SHISA2: variants seen among roughly 807,000 people sequenced by gnomAD.
SHISA2 encodes the protein protein shisa-2 homolog.
Under a neutral mutation model 23.8 loss-of-function variants are expected in SHISA2, and 16 were observed. The ratio of observed to expected loss-of-function variants is 0.67; its 90% CI spans 0.46 to 1.02. The LOEUF is 1.02. SHISA2 is among the 50% of genes least tolerant of loss of function. The pLI is 0.00. For missense variants in SHISA2, 459 were observed against 420.1 expected, an observed-to-expected ratio of 1.09 and a Z score of -0.81; for synonymous variants, 201 against 178.6, an observed-to-expected ratio of 1.13 and a Z score of -1.00.
Position 26,050,858 on chromosome 13 carries a change from C to A in SHISA2, c.118G>T (p.Gly40Cys). ...GARASGEYCHGWLDAQGVWRI... is the reference protein window; with the variant it reads ...GARASGEYCHCWLDAQGVWRI... Reference sequence around the variant, plus strand: ...CAGACGCCCTGCGCGTCCAGCCAGCCGTGGCAGTACTCGCCGCTGGCCCTC... The same window carrying A: ...CAGACGCCCTGCGCGTCCAGCCAGCAGTGGCAGTACTCGCCGCTGGCCCTC... The change falls in exon 1 of 2, where the codon GGC becomes TGC. Residue 40 changes from glycine (G) to cysteine (C), a missense_variant. Coordinates refer to ENST00000319420, the MANE Select transcript of SHISA2 (RefSeq NM_001007538.2). The A allele has an allele frequency of 6.5e-7, 1 of 1,528,320 alleles. No individual in the cohort carries two copies. Among genetic ancestry groups the A allele is most frequent in the Non-Finnish European group, 8.7e-7 (1 of 1,146,238 alleles). 94.7% of individuals were successfully genotyped at this position (1,528,320 alleles called of 1,614,324 possible).
chr13:26,049,307 G>T (rs1418155729), intron 1 of SHISA2, among the ~76,000 whole-genome samples: 1 of 152,188 alleles, frequency 6.6e-6, no homozygotes, highest in African/African-American at 2.4e-5. Flanking sequence ...AAAAGTGAAA[G>T]AAATACAATT....
chr13:26,047,131 T>C, intron 1 of SHISA2, 65 bp from the exon 2 acceptor site: 1 of 1,435,430 alleles, frequency 7.0e-7, no homozygotes. Context: ...AATCGCCAAC[T>C]GGCAATGGCA....
At chr13:26,048,618 G>A (rs569319485) in intron 1 of SHISA2, among the ~76,000 whole-genome samples, 1 of 152,152 alleles carries the variant, frequency 6.6e-6, no homozygotes, top group Non-Finnish European at 1.5e-5. Flanking sequence ...CAGCATTTTA[G>A]GAAGGAGACC....
Position 26,050,901 on chromosome 13 carries a change from C to T in SHISA2, c.75G>A (p.Ala25=). The part of the protein sequence containing the change: ...AASLLQLLLA[A]LLAAGARASG... ...TGGCCCTCGCCCCCGCCGCCAGCAG[C>T]GCAGCCAGCAGCAGCTGCAGGAGCG... is the stretch of plus-strand genomic sequence containing the variant. The change falls in exon 1 of 2, where the codon GCG becomes GCA. Residue 25 remains alanine, a synonymous_variant. Transcript: ENST00000319420. The T allele has an allele frequency of 6.6e-7, 1 of 1,519,346 alleles. No individual in the cohort carries two copies. Among genetic ancestry groups the T allele is most frequent in the Non-Finnish European group, 8.8e-7 (1 of 1,141,022 alleles). 94.1% of individuals were successfully genotyped at this position (1,519,346 alleles called of 1,614,324 possible). A position where few individuals can be genotyped will look rare whatever the true frequency, so the allele number is the denominator to read the frequency against.
chr13:26,048,128 C>T (rs1006888040), intron 1 of SHISA2, among the ~76,000 whole-genome samples: 1 of 152,060 alleles, frequency 6.6e-6, no homozygotes, highest in African/African-American at 2.4e-5. Flanking sequence ...CATGGTGAGA[C>T]CCTGTCTCTA....
rs150368053 is a variant in SHISA2, at chr13:26,046,599, C to T, written c.802G>A (p.Gly268Ser). The change falls in exon 2 of 2, where the codon GGC (glycine) becomes AGC (serine). Residue 268 changes from glycine to serine, a missense_variant. Transcript: ENST00000319420. ...ATCTGCCTGTAGCCAGGCTGCAGGC[C>T]GTCCATGAAAGGTGGCACAGCTGTC... ...PMTAVPPFMD[G>S]LQPGYRQIQS... The T allele has an allele frequency of 4.8e-4, 776 of 1,614,100 alleles. 3 individuals carry two copies. The African/African-American group carries it at 8.5e-3, about 18-fold the overall frequency.
intron 1 of SHISA2, among the ~76,000 whole-genome samples, chr13:26,048,599 C>T (rs529648020): frequency 1.2e-4 from 18 of 152,226 alleles, no homozygotes; most frequent in East Asian, 1.9e-4. Flanking sequence ...AGCCCAGAGT[C>T]GGATGGGGCA....
Position 26,051,933 on chromosome 13 carries a change from C to T in SHISA2, c.-958G>A, listed in dbSNP as rs1275808509. Among the ~76,000 whole-genome samples, 1 of 152,166 alleles carries T rather than the reference C, an allele frequency of 6.6e-6. No homozygotes were observed. The highest frequency in any genetic ancestry group is 1.5e-5 in the Non-Finnish European group (1 of 68,014). On this transcript the variant is annotated 5_prime_UTR_variant, in exon 1 of 2. Transcript: ENST00000319420. Reference sequence around the variant, plus strand: ...GGAAGCCTCCCACGGAAGTTTCTTTCCTCCGGGCTACGGGAGAAGCCGAGC... The same window carrying T: ...GGAAGCCTCCCACGGAAGTTTCTTTTCTCCGGGCTACGGGAGAAGCCGAGC...
chr13:26,047,201 T>G, intron 1 of SHISA2, 135 bp from the exon 2 acceptor site: 1 of 965,738 alleles, frequency 1.0e-6, no homozygotes, highest in Non-Finnish European at 1.5e-6. Flanking sequence ...GCTAATTTGT[T>G]CACATATTAG....
Position 26,050,602 on chromosome 13 carries a change from C to A in SHISA2, c.334+40G>T, listed in dbSNP as rs750506048. Reference sequence around the variant, plus strand: ...CAGGTCCCTGACGTCCAGGCAACGCCAACCGTCCTCCCTTTCGCGCTGGGC... The same window carrying A: ...CAGGTCCCTGACGTCCAGGCAACGCAAACCGTCCTCCCTTTCGCGCTGGGC... On this transcript the variant is annotated intron_variant, in intron 1 of 1. Coordinates refer to ENST00000319420, the MANE Select transcript of SHISA2 (RefSeq NM_001007538.2). The A allele has an allele frequency of 5.3e-5, 73 of 1,377,950 alleles. 2 individuals are homozygous for A. In the South Asian group the frequency reaches 1.0e-3, roughly 19 times the overall value. 85.4% of individuals were successfully genotyped at this position (1,377,950 alleles called of 1,614,324 possible). A position where few individuals can be genotyped will look rare whatever the true frequency, so the allele number is the denominator to read the frequency against.
At position 26,050,961 on chromosome 13, in the gene SHISA2, G is replaced by A; in HGVS notation, c.15C>T (p.Arg5=). The A allele has an allele frequency of 2.0e-6, 3 of 1,512,112 alleles. No homozygotes were observed. The highest frequency in any genetic ancestry group is 2.6e-6 in the Non-Finnish European group (3 of 1,137,656). 93.7% of individuals were successfully genotyped at this position (1,512,112 alleles called of 1,614,324 possible). MWGA[R]RSSVSSSWNA... is the part of the protein sequence containing the mutation. Reference sequence around the variant, plus strand: ...TCCAGGATGAGGAGACGGACGAGCGGCGAGCGCCCCACATGGCACCACCCT... The same window carrying A: ...TCCAGGATGAGGAGACGGACGAGCGACGAGCGCCCCACATGGCACCACCCT... Residue 5 remains arginine (R), a synonymous_variant, in exon 1 of 2, where the codon CGC becomes CGT. Coordinates refer to ENST00000319420, the MANE Select transcript of SHISA2 (RefSeq NM_001007538.2).
chr13:26,049,861 AT>A (rs1417019938), intron 1 of SHISA2, among the ~76,000 whole-genome samples: 2 of 36,446 alleles, frequency 5.5e-5, no homozygotes, highest in Non-Finnish European at 1.3e-4. Context: ...CCCGAAATAA[AT>A]AACACACACA....
At chr13:26,047,103 C>A in intron 1 of SHISA2, 37 bp from the exon 2 acceptor site, 1 of 1,505,150 alleles carries the variant, frequency 6.6e-7, no homozygotes, top group Non-Finnish European at 8.9e-7. Flanking sequence ...TTATGATCTA[C>A]TCTAGGAACA....
In SHISA2 at chr13:26,046,970, C is replaced by T. The variant is rs201279413; in HGVS notation, c.431G>A (p.Arg144Gln). ...LVAACCCRCL[R>Q]PKQDPQQSRA... Reference sequence around the variant, plus strand: ...GCTCTGCTGGGGATCCTGCTTAGGCCGGAGACATCTGCAGCAACAGGCTGC... The same window carrying T: ...GCTCTGCTGGGGATCCTGCTTAGGCTGGAGACATCTGCAGCAACAGGCTGC... The change falls in exon 2 of 2, where the codon CGG (arginine) becomes CAG (glutamine). Residue 144 changes from arginine to glutamine, a missense_variant. Coordinates refer to ENST00000319420, the MANE Select transcript of SHISA2 (RefSeq NM_001007538.2). 1.2e-4 allele frequency: 185 copies of T among 1,607,474 alleles called. 1 individual carries two copies. Among genetic ancestry groups the T allele is most frequent in the South Asian group, 9.2e-4 (84 of 90,818 alleles).
intron 1 of SHISA2, among the ~76,000 whole-genome samples, chr13:26,049,170 G>A (rs1383204722): frequency 6.6e-6 from 1 of 152,204 alleles, no homozygotes; most frequent in East Asian, 1.9e-4. Context: ...GTTTTGGGGA[G>A]AAATAAGTGT....
chr13:26,046,958 T>A lies in SHISA2; in HGVS notation c.443A>T (p.Asp148Val). 6.2e-7 allele frequency: 1 copy of A among 1,612,372 alleles called. No individual in the cohort carries two copies. ...CCCTGGGGCTCGGCTCTGCTGGGGA[T>A]CCTGCTTAGGCCGGAGACATCTGCA... ...CCCRCLRPKQ[D>V]PQQSRAPGGN... is the part of the protein sequence containing the mutation. Residue 148 changes from aspartate (D) to valine (V), a missense_variant, in exon 2 of 2, where the codon GAT becomes GTT. By Grantham distance (152) the Asp-to-Val change is radical. Transcript: ENST00000319420.
rs1041249292 is a variant in SHISA2 at position 26,051,062 on chromosome 13, G to C, written c.-87C>G. On this transcript the variant is annotated 5_prime_UTR_variant, in exon 1 of 2. Transcript: ENST00000319420. ...GTGGCCCCGGCGACCCCCGGGCCTC[G>C]TCACTGACTGTCCCGCGGCGCTTTC... is the stretch of plus-strand genomic sequence containing the variant. 1.7e-6 allele frequency: 2 copies of C among 1,201,692 alleles called. No homozygotes were observed. The highest frequency in any genetic ancestry group is 2.2e-6 in the Non-Finnish European group (2 of 907,410). The allele number at this position is 1,201,692 out of a possible 1,614,324, so 74.4% of individuals were successfully genotyped here. A position where few individuals can be genotyped will look rare whatever the true frequency, so the allele number is the denominator to read the frequency against.
Position 26,046,984 on chromosome 13 carries a change from G to C in SHISA2, c.417C>G (p.Cys139Trp). The change falls in exon 2 of 2, where the codon TGC (cysteine) becomes TGG (tryptophan). Residue 139 changes from cysteine to tryptophan, a missense_variant. By Grantham distance (215) the Cys-to-Trp change is radical (BLOSUM62 -2). Coordinates refer to ENST00000319420, the MANE Select transcript of SHISA2 (RefSeq NM_001007538.2). The part of the protein sequence containing the change: ...IILGSLVAAC[C>W]CRCLRPKQDP... ...CCTGCTTAGGCCGGAGACATCTGCAGCAACAGGCTGCCACCAGGGACCCCA... is the reference window on the plus strand; with the variant it reads ...CCTGCTTAGGCCGGAGACATCTGCACCAACAGGCTGCCACCAGGGACCCCA... 1.3e-6 allele frequency: 2 copies of C among 1,599,178 alleles called. No homozygotes were observed. The highest frequency in any genetic ancestry group is 1.7e-6 in the Non-Finnish European group (2 of 1,170,796).
At position 26,046,672 on chromosome 13, in the gene SHISA2, C is replaced by A; in HGVS notation, c.729G>T (p.Leu243=). The change falls in exon 2 of 2, where the codon CTG becomes CTT. Residue 243 remains leucine, a synonymous_variant. Coordinates refer to ENST00000319420, the MANE Select transcript of SHISA2 (RefSeq NM_001007538.2). ...TQIVPHQGQY[L]HPPYVGYTVQ... ...CCGTGTACCCCACGTATGGGGGATG[C>A]AGATACTGCCCTTGATGTGGCACAA... The A allele has an allele frequency of 6.2e-7, 1 of 1,614,222 alleles. No homozygotes were observed. The highest frequency in any genetic ancestry group is 1.3e-5 in the African/African-American group (1 of 75,060).
Sources: gnomAD v4.1 joint callset for allele counts (sites outside exome capture counted in the v4.1 genomes callset) on GRCh38, gnomAD v4.1.1 for gene constraint, MANE v1.5 for transcripts, NCBI Gene and HGNC (gene_info 2026-07-23, HGNC 2026-07-21) for gene names.